Variants in PLCB1 observed in about 807,000 individuals in gnomAD.
PLCB1 encodes 1-phosphatidylinositol 4,5-bisphosphate phosphodiesterase beta-1.
Under a neutral mutation model 161.8 loss-of-function variants are expected in PLCB1, and 46 were observed. The observed-to-expected ratio is 0.28, with a 90% CI of 0.22 to 0.36. The LOEUF (loss-of-function observed/expected upper bound fraction) is 0.36, where lower values mean the gene tolerates loss of function less well. Ranked by LOEUF, PLCB1 falls within the 10% of genes least tolerant of loss-of-function variation. The pLI, the probability that PLCB1 is intolerant of heterozygous loss-of-function variation, is 1.00. For synonymous variants in PLCB1, 517 were observed against 503.7 expected (o/e 1.03, Z -0.35); for missense variants, 1,016 against 1,472.5 (o/e 0.69, Z 5.07).
intron 2 of PLCB1, among the ~76,000 whole-genome samples, chr20:8,273,637 C>A (rs983601603): frequency 6.6e-5 from 10 of 152,110 alleles, no homozygotes; most frequent in Admixed American, 2.6e-4. Context: ...CTTATGTGTT[C>A]CCTTAGATTT....
intron 2 of PLCB1, among the ~76,000 whole-genome samples, chr20:8,272,453 G>T (rs550584897): frequency 6.6e-6 from 1 of 152,192 alleles, no homozygotes; most frequent in African/African-American, 2.4e-5. Flanking sequence ...CAATGGATAG[G>T]GCAGAATCAT....
intron 3 of PLCB1, among the ~76,000 whole-genome samples, chr20:8,584,697 T>C (rs940069165): frequency 2.1e-5 from 3 of 140,488 alleles, no homozygotes; most frequent in Non-Finnish European, 4.6e-5. Flanking sequence ...TTCAAGATTC[T>C]CTTTTTTTTT....
chr20:8,353,553 T>C (rs1986255477), intron 2 of PLCB1, among the ~76,000 whole-genome samples: 1 of 152,068 alleles, frequency 6.6e-6, no homozygotes, highest in African/African-American at 2.4e-5. Context: ...TATTAAGTCA[T>C]GTTGATAGTA....
At chr20:8,499,632 C>G (rs6077371) in intron 3 of PLCB1, among the ~76,000 whole-genome samples, 1 of 152,110 alleles carries the variant, frequency 6.6e-6, no homozygotes, top group Non-Finnish European at 1.5e-5. Flanking sequence ...AATATCTACC[C>G]TTTAAAATCC....
intron 3 of PLCB1, among the ~76,000 whole-genome samples, chr20:8,560,448 T>C (rs1412536207): frequency 1.3e-5 from 2 of 151,662 alleles, no homozygotes; most frequent in African/African-American, 4.9e-5. Flanking sequence ...TTACAACCAC[T>C]TGGAAAGGTT....
chr20:8,653,634 A>G (rs1345984210), intron 7 of PLCB1: 1 of 152,076 alleles, frequency 6.6e-6, no homozygotes, highest in African/African-American at 2.4e-5. Flanking sequence ...GTGAATTAAT[A>G]TATTTTAAAA....
Position 8,371,425 on chromosome 20 carries a change from G to A in PLCB1, c.221G>A (p.Cys74Tyr). The A allele has an allele frequency of 6.2e-7, 1 of 1,613,746 alleles. No homozygotes were observed. The highest frequency in any genetic ancestry group is 8.5e-7 in the Non-Finnish European group (1 of 1,179,744). Residue 74 changes from cysteine (C) to tyrosine (Y), a missense_variant, in exon 3 of 32, where the codon TGT (cysteine) becomes TAT (tyrosine). Coordinates refer to ENST00000338037, the MANE Select transcript of PLCB1 (RefSeq NM_015192.4). ...CTCAGCCTTGTCAAAGATGCCAGAT[G>A]TGGGAGACACGCCAAAGCTCCCAAG... Reference protein sequence around the residue: ...LDLSLVKDARCGRHAKAPKDP... With the variant: ...LDLSLVKDARYGRHAKAPKDP...
chr20:8,796,212 G>A (rs917353579), intron 31 of PLCB1, among the ~76,000 whole-genome samples: 5 of 152,064 alleles, frequency 3.3e-5, no homozygotes, highest in African/African-American at 4.8e-5. Flanking sequence ...TGTAGCTACT[G>A]GCTCTTTTTT....
At chr20:8,262,953 C>T (rs540698674) in intron 2 of PLCB1, among the ~76,000 whole-genome samples, 1 of 152,268 alleles carries the variant, frequency 6.6e-6, no homozygotes, top group Non-Finnish European at 1.5e-5. Context: ...CTAATCTAAA[C>T]CTAATTACCT....
intron 3 of PLCB1, among the ~76,000 whole-genome samples, chr20:8,543,122 A>G (rs1985397402): frequency 6.6e-6 from 1 of 152,196 alleles, no homozygotes; most frequent in African/African-American, 2.4e-5. Flanking sequence ...CCCCAGATCT[A>G]TTGGATCAGA....
At chr20:8,379,946 G>C (rs1392196708) in intron 3 of PLCB1, among the ~76,000 whole-genome samples, 1 of 152,092 alleles carries the variant, frequency 6.6e-6, no homozygotes, top group Non-Finnish European at 1.5e-5. Context: ...TTCTTTTGCT[G>C]TACAGAAGCT....
At chr20:8,446,448 TATC>T (rs1374144472) in intron 3 of PLCB1, among the ~76,000 whole-genome samples, 1 of 152,142 alleles carries the variant, frequency 6.6e-6, no homozygotes, top group African/African-American at 2.4e-5. Context: ...CCACAGCCAA[TATC>T]ATACTGAATG....
chr20:8,134,394 G>A (rs1568564813), intron 1 of PLCB1, among the ~76,000 whole-genome samples: 1 of 152,188 alleles, frequency 6.6e-6, no homozygotes. Context: ...GTAAGCTCTG[G>A]ATTTGTATAC....
chr20:8,716,850 T>C (rs1979343317), intron 13 of PLCB1, among the ~76,000 whole-genome samples: 1 of 152,168 alleles, frequency 6.6e-6, no homozygotes, highest in Non-Finnish European at 1.5e-5. Flanking sequence ...GCAGCAGAAA[T>C]ATCCTAAAGT....
intron 18 of PLCB1, chr20:8,729,822 TTGTC>T (rs1164928912): frequency 3.3e-5 from 5 of 151,952 alleles, no homozygotes; most frequent in African/African-American, 1.2e-4. Flanking sequence ...TATTGCCAAA[TTGTC>T]TGTAAAAAAT....
chr20:8,164,218 C>G (rs116192432), intron 2 of PLCB1, among the ~76,000 whole-genome samples: 3,159 of 152,178 alleles, frequency 0.021, 84 homozygotes, highest in African/African-American at 0.069. Context: ...GGCCATTAAT[C>G]TAGGGAAAAT....
intron 2 of PLCB1, among the ~76,000 whole-genome samples, chr20:8,163,706 A>G (rs2123055312): frequency 6.6e-6 from 1 of 152,348 alleles, no homozygotes; most frequent in East Asian, 1.9e-4. Context: ...CCCCATGGCC[A>G]CATTTGGCTG....
intron 3 of PLCB1, among the ~76,000 whole-genome samples, chr20:8,462,356 C>A (rs1345154039): frequency 1.3e-5 from 2 of 152,060 alleles, no homozygotes; most frequent in African/African-American, 4.8e-5. Flanking sequence ...CATCCAATGA[C>A]CTTTGTACAA....
chr20:8,686,796 T>TTCCAGACTCACCTTATTCCTTTCTGC (rs1374232520), intron 10 of PLCB1, among the ~76,000 whole-genome samples: 27 of 152,138 alleles, frequency 1.8e-4, no homozygotes, highest in Admixed American at 5.2e-4. Context: ...CATAGAGATC[T>TTCCAGACTCACCTTATTCCTTTCTGC]TCCAGACTCA....
Sources: allele counts gnomAD v4.1 joint callset (sites outside exome capture counted in the v4.1 genomes callset), GRCh38; gene constraint gnomAD v4.1.1; transcripts MANE v1.5; gene names NCBI Gene and HGNC (gene_info 2026-07-23, HGNC 2026-07-21).